Variants in SRRM1 observed in about 807,000 individuals in gnomAD.
The protein encoded by SRRM1 is serine/arginine repetitive matrix protein 1.
In SRRM1, 19 loss-of-function variants were observed where a neutral mutation model predicts 110.2. The observed-to-expected ratio is 0.17, with a 90% CI of 0.12 to 0.25. The LOEUF is 0.25. Among genes scored for constraint, SRRM1 ranks in the 10% least tolerant of loss-of-function variants. The pLI, the probability that SRRM1 is intolerant of heterozygous loss-of-function variation, is 1.00. For missense variants in SRRM1, 918 were observed against 1,145.8 expected (o/e 0.80, Z 2.87); for synonymous variants, 443 against 414.9 (o/e 1.07, Z -0.82).
chr1:24,671,468 A>C lies in SRRM1; in HGVS notation c.2483A>C (p.His828Pro). The C allele has an allele frequency of 6.2e-7, 1 of 1,613,514 alleles. No individual in the cohort carries two copies. Residue 828 changes from histidine (H) to proline (P), a missense_variant, in exon 16 of 17, where the codon CAC becomes CCC. Coordinates refer to ENST00000323848, the MANE Select transcript of SRRM1 (RefSeq NM_005839.4). ...KHKKDKKHKK[H>P]KKHKKEKAVA... ...AAAAAGGATAAGAAGCACAAGAAGC[A>C]CAAAAAACACAAGAAGGAAAAGGCT...
At chr1:24,660,998 A>T in intron 10 of SRRM1, 199 bp downstream of exon 10, 3 of 544,440 alleles carry the variant, frequency 5.5e-6, no homozygotes, top group Non-Finnish European at 9.9e-6. Flanking sequence ...TAATTAACTT[A>T]TCTGAGCCTT....
intron 16 of SRRM1, 87 bp downstream of exon 16, chr1:24,671,682 T>A: frequency 8.4e-7 from 1 of 1,186,266 alleles, no homozygotes; most frequent in Non-Finnish European, 1.2e-6. Flanking sequence ...AAAATTGTTT[T>A]TTCTACTAAT....
chr1:24,662,955 G>A (rs1355488079), intron 12 of SRRM1, 151 bp downstream of exon 12: 1 of 1,170,302 alleles, frequency 8.5e-7, no homozygotes, highest in Non-Finnish European at 1.2e-6. Flanking sequence ...GTTTTGTTTT[G>A]TTTTTGCTTT....
chr1:24,650,656 T>C (rs1660124549), intron 5 of SRRM1: 1 of 152,258 alleles, frequency 6.6e-6, no homozygotes, highest in Admixed American at 6.5e-5. Flanking sequence ...TTTTTATTTT[T>C]AGGGTTCTGC....
rs778775503 is a variant in SRRM1, at chr1:24,666,891, C to T, written c.1705C>T (p.Arg569Trp). ...RSPSPAPPPR[R>W]RRTPTPPPRR... is the part of the protein sequence containing the mutation. ...TCCTTCTCCCGCCCCTCCTCCTCGA[C>T]GGCGCAGGACTCCCACACCACCACC... Residue 569 changes from arginine (R) to tryptophan (W), a missense_variant, in exon 13 of 17, where the codon CGG becomes TGG. Arg to Trp is a moderately radical substitution (Grantham distance 101). Coordinates refer to ENST00000323848, the MANE Select transcript of SRRM1 (RefSeq NM_005839.4). 46 of 1,610,946 alleles carry T rather than the reference C, an allele frequency of 2.9e-5. No homozygotes were observed. The highest frequency in any genetic ancestry group is 4.5e-5 in the East Asian group (2 of 44,796).
chr1:24,651,418 C>T lies in SRRM1; in HGVS notation c.531C>T (p.Ser177=), dbSNP rs150997937. 6.2e-7 allele frequency: 1 copy of T among 1,613,546 alleles called. No homozygotes were observed. The highest frequency in any genetic ancestry group is 8.5e-7 in the Non-Finnish European group (1 of 1,179,804). The part of the protein sequence containing the change: ...ERSRSPRRRK[S]RSPSPRRRSS... The stretch of plus-strand genomic sequence containing the variant: ...ATTACTTTCATCCTAGACGCAAATC[C>T]AGATCTCCTTCCCCTAGAAGACGAT... The change falls in exon 6 of 17, where the codon TCC becomes TCT. Residue 177 remains serine (S), a synonymous_variant. Transcript: ENST00000323848.
At position 24,670,121 on chromosome 1, in the gene SRRM1, GC is replaced by G; in HGVS notation, c.2207del (p.Ala736ValfsTer9). The G allele has an allele frequency of 6.4e-7, 1 of 1,572,202 alleles. No homozygotes were observed. Among genetic ancestry groups the G allele is most frequent in the South Asian group, 1.2e-5 (1 of 85,054 alleles). On this transcript the variant is annotated frameshift_variant and splice_region_variant, in exon 15 of 17. Transcript: ENST00000323848. LOFTEE classifies it high-confidence loss of function. ...GAATGTTTTTTCCTTTTTGTCTAGG[GC>G]TGCTTCCCCAAGCCCACAGTCTGTA... ...RTPEPKKIKKAASPSPQSVRR... is the reference protein window; with the variant it reads ...RTPEPKKIKKXASPSPQSVRR...
At position 24,646,865 on chromosome 1, in the gene SRRM1, A is replaced by G. The variant is rs577212075; in HGVS notation, c.234+76A>G. 123 of 1,244,416 alleles carry G rather than the reference A, an allele frequency of 9.9e-5. No individual in the cohort carries two copies. The South Asian group carries it at 1.8e-3, about 19-fold the overall frequency. The allele number at this position is 1,244,416 out of a possible 1,614,324, so 77.1% of individuals were successfully genotyped here. ...AATCTTTGGAAACTGAATTTTTTCT[A>G]TGGAGTGCAAATATAGAAGGGTTAT... On this transcript the variant is annotated intron_variant, in intron 3 of 16. Coordinates refer to ENST00000323848, the MANE Select transcript of SRRM1 (RefSeq NM_005839.4).
At chr1:24,656,114 G>C (rs1663954359) in intron 9 of SRRM1, among the ~76,000 whole-genome samples, 1 of 152,122 alleles carries the variant, frequency 6.6e-6, no homozygotes, top group Non-Finnish European at 1.5e-5. Context: ...TAGAAACAAA[G>C]AAATGGGGAT....
intron 2 of SRRM1, 90 bp from the exon 3 acceptor site, chr1:24,646,577 C>T: frequency 8.5e-7 from 1 of 1,176,054 alleles, no homozygotes; most frequent in Non-Finnish European, 1.2e-6. Flanking sequence ...AAAAACTAAG[C>T]TAAAAGGAAC....
rs149380642 is a variant in SRRM1 at position 24,670,178 on chromosome 1, G to A, written c.2263G>A (p.Gly755Arg). The A allele has an allele frequency of 7.7e-5, 124 of 1,613,650 alleles. No homozygotes were observed. In the African/African-American group the frequency reaches 1.4e-3, roughly 19 times the overall value. Residue 755 changes from glycine (G) to arginine (R), a missense_variant, in exon 15 of 17, where the codon GGG (glycine) becomes AGG (arginine). By Grantham distance (125) the Gly-to-Arg change is moderately radical. This residue lies in a region of SRRM1 where 357 missense variants were observed against 402.9 expected (regional missense o/e 0.89). Transcript: ENST00000323848. ...RRVSSSRSVS[G>R]SPEPAAKKPP... is the part of the protein sequence containing the mutation. Reference sequence around the variant, plus strand: ...GGTCTCATCCTCCCGATCTGTCTCCGGGTCTCCTGAGCCAGCAGCTAAAAA... The same window carrying A: ...GGTCTCATCCTCCCGATCTGTCTCCAGGTCTCCTGAGCCAGCAGCTAAAAA...
chr1:24,647,419 C>T (rs1198632959), intron 3 of SRRM1: 1 of 152,444 alleles, frequency 6.6e-6, no homozygotes, highest in South Asian at 2.1e-4. Flanking sequence ...TCATCAGTTA[C>T]ATTTTAGAGA....
rs1355150572 is a variant in SRRM1, at chr1:24,667,144, G to C, written c.1739+219G>C. Among the ~76,000 whole-genome samples, 3 of 152,150 alleles carry C rather than the reference G, an allele frequency of 2.0e-5. No individual in the cohort carries two copies. In the East Asian group the frequency reaches 5.8e-4, roughly 29 times the overall value. ...AGAGTAAGCAGACTAGCATTGTTCA[G>C]CCAGTCATAAAAGAACACGTATGAT... is the stretch of plus-strand genomic sequence containing the variant. On this transcript the variant is annotated intron_variant, in intron 13 of 16. Coordinates refer to ENST00000323848, the MANE Select transcript of SRRM1 (RefSeq NM_005839.4).
At chr1:24,646,592 G>C in intron 2 of SRRM1, 75 bp from the exon 3 acceptor site, 1 of 1,324,846 alleles carries the variant, frequency 7.5e-7, no homozygotes, top group Non-Finnish European at 1.0e-6. Flanking sequence ...AGGAACTTTG[G>C]TAGACAGAAC....
intron 9 of SRRM1, among the ~76,000 whole-genome samples, chr1:24,658,599 G>A (rs1665524675): frequency 6.6e-6 from 1 of 152,152 alleles, no homozygotes; most frequent in South Asian, 2.1e-4. Flanking sequence ...TCCAAAGCAA[G>A]CTTGGGAACC....
chr1:24,672,928 G>C lies in SRRM1; in HGVS notation c.*642G>C, dbSNP rs1285816460. On this transcript the variant is annotated 3_prime_UTR_variant, in exon 17 of 17. Transcript: ENST00000323848. ...ATATTGATGTGTAACAAGTTGATTT[G>C]GAACACTGGACTCTCATTCTGTTAT... 1 of 152,388 alleles carries C rather than the reference G, an allele frequency of 6.6e-6. No homozygotes were observed. Among genetic ancestry groups the C allele is most frequent in the Non-Finnish European group, 1.5e-5 (1 of 68,020 alleles). 9.4% of individuals were successfully genotyped at this position (152,388 alleles called of 1,614,324 possible).
chr1:24,664,566 A>G (rs1256212229), intron 12 of SRRM1, among the ~76,000 whole-genome samples: 2 of 152,156 alleles, frequency 1.3e-5, no homozygotes, highest in Admixed American at 1.3e-4. Context: ...AAGCTATCCC[A>G]CTGTCCTTTT....
chr1:24,647,405 C>G (rs1482482326), intron 3 of SRRM1: 1 of 152,464 alleles, frequency 6.6e-6, no homozygotes, highest in Non-Finnish European at 1.5e-5. Flanking sequence ...TGCATGTCAG[C>G]TAGTCATCAG....
chr1:24,655,817 G>T (rs1663743244), intron 9 of SRRM1, among the ~76,000 whole-genome samples: 1 of 152,166 alleles, frequency 6.6e-6, no homozygotes, highest in Non-Finnish European at 1.5e-5. Flanking sequence ...GCTTAGGGCT[G>T]GAATGATATA....
Sources: allele counts gnomAD v4.1 joint callset (sites outside exome capture counted in the v4.1 genomes callset), GRCh38; gene constraint gnomAD v4.1.1; regional missense constraint gnomAD v4.1.1; transcripts MANE v1.5; gene names NCBI Gene and HGNC (gene_info 2026-07-23, HGNC 2026-07-21).